IQSEC1: variants seen among roughly 807,000 people sequenced by gnomAD.
The protein encoded by IQSEC1 is IQ motif and SEC7 domain-containing protein 1.
Under a neutral mutation model 91.0 loss-of-function variants are expected in IQSEC1, and 31 were observed. The observed-to-expected ratio is 0.34, with a 90% CI of 0.26 to 0.46. The LOEUF (loss-of-function observed/expected upper bound fraction) is 0.46. Among genes scored for constraint, IQSEC1 ranks in the 20% least tolerant of loss-of-function variants. The pLI is 1.00. For missense variants in IQSEC1, 1,388 were observed against 1,575.6 expected (o/e 0.88, Z 2.02); for synonymous variants, 699 against 662.6 (o/e 1.05, Z -0.84).
intron 1 of IQSEC1, among the ~76,000 whole-genome samples, chr3:13,188,053 C>A (rs1050481498): frequency 1.3e-5 from 2 of 152,212 alleles, no homozygotes; most frequent in Admixed American, 6.5e-5. Flanking sequence ...CTGGGCCTCC[C>A]ATCTCCAGCC....
chr3:12,907,539 C>T (rs1366954421), intron 12 of IQSEC1, among the ~76,000 whole-genome samples: 1 of 152,216 alleles, frequency 6.6e-6, no homozygotes, highest in Non-Finnish European at 1.5e-5. Context: ...GATACCCTCC[C>T]GTACACTCCT....
intron 2 of IQSEC1, among the ~76,000 whole-genome samples, chr3:13,135,982 G>T (rs908525372): frequency 6.6e-6 from 1 of 152,216 alleles, no homozygotes; most frequent in Non-Finnish European, 1.5e-5. Flanking sequence ...GGACTCTGCT[G>T]CGTGGGACAG....
intron 1 of IQSEC1, among the ~76,000 whole-genome samples, chr3:12,958,892 G>A (rs1353248649): frequency 1.3e-5 from 2 of 152,224 alleles, no homozygotes; most frequent in Admixed American, 6.5e-5. Context: ...ACTGTGGGGT[G>A]GCACAGCACC....
chr3:13,114,212 C>G (rs1706298330), intron 2 of IQSEC1, among the ~76,000 whole-genome samples: 2 of 152,156 alleles, frequency 1.3e-5, no homozygotes, highest in South Asian at 4.1e-4. Context: ...CTGATTACAC[C>G]TGCAGGATGC....
At chr3:13,109,102 G>A (rs567745688) in intron 2 of IQSEC1, among the ~76,000 whole-genome samples, 27 of 152,302 alleles carry the variant, frequency 1.8e-4, no homozygotes, top group African/African-American at 5.1e-4. Context: ...CAGAGCGTGG[G>A]CAGAATGACT....
At chr3:13,158,935 C>A (rs1412486786) in intron 2 of IQSEC1, among the ~76,000 whole-genome samples, 1 of 151,758 alleles carries the variant, frequency 6.6e-6, no homozygotes, top group East Asian at 1.9e-4. Flanking sequence ...GCATTCCAGC[C>A]TGGGTGACAG....
At chr3:12,915,336 C>T (rs1695977215) in intron 7 of IQSEC1, among the ~76,000 whole-genome samples, 1 of 152,174 alleles carries the variant, frequency 6.6e-6, no homozygotes, top group African/African-American at 2.4e-5. Context: ...GTCGGGTGCC[C>T]AGAACTCAGC....
chr3:13,171,245 G>C (rs768918543), intron 1 of IQSEC1, among the ~76,000 whole-genome samples: 1 of 152,200 alleles, frequency 6.6e-6, no homozygotes, highest in Non-Finnish European at 1.5e-5. Context: ...CTGAGGCTTA[G>C]ACAGATGAGG....
At chr3:13,023,700 A>G (rs1703497325) in intron 1 of IQSEC1, among the ~76,000 whole-genome samples, 1 of 152,318 alleles carries the variant, frequency 6.6e-6, no homozygotes, top group South Asian at 2.1e-4. Context: ...AAGGATTAGC[A>G]GCTGCAGGCT....
At chr3:13,280,428 G>C (rs1296745014) in intron 1 of IQSEC1, among the ~76,000 whole-genome samples, 2 of 152,206 alleles carry the variant, frequency 1.3e-5, no homozygotes, top group African/African-American at 2.4e-5. Flanking sequence ...CCCCGGGGGG[G>C]CCCAGAACCC....
Position 13,066,807 on chromosome 3 carries a change from C to G in IQSEC1, c.23+6185G>C, listed in dbSNP as rs55986460. On this transcript the variant is annotated intron_variant, in intron 1 of 13. Coordinates refer to ENST00000613206, the MANE Select transcript of IQSEC1 (RefSeq NM_001134382.3). ...GGGCGGTAGCTCCATGCAGGCAGGG[C>G]GGGCCTGGTCCATTTACAGGCGTAG... 6.6e-5 allele frequency among the ~76,000 whole-genome samples: 10 copies of G among 152,312 alleles called. 1 individual carries two copies. The highest frequency in any genetic ancestry group is 2.4e-4 in the African/African-American group (10 of 41,554).
At chr3:13,126,431 G>A (rs983356926) in intron 2 of IQSEC1, among the ~76,000 whole-genome samples, 1 of 152,190 alleles carries the variant, frequency 6.6e-6, no homozygotes, top group African/African-American at 2.4e-5. Context: ...CCTTTGAGGG[G>A]TATCTGGTCA....
intron 1 of IQSEC1, among the ~76,000 whole-genome samples, chr3:13,209,814 T>C (rs1393323073): frequency 6.6e-6 from 1 of 152,164 alleles, no homozygotes; most frequent in African/African-American, 2.4e-5. Context: ...GCGTGCTCCC[T>C]TGGGAATTCT....
intron 2 of IQSEC1, among the ~76,000 whole-genome samples, chr3:13,107,446 T>C (rs1162924724): frequency 6.6e-6 from 1 of 152,228 alleles, no homozygotes; most frequent in Non-Finnish European, 1.5e-5. Context: ...ATCTTTCCAG[T>C]ACCAGTTCTG....
chr3:12,911,593 T>C lies in IQSEC1; in HGVS notation c.2416+36A>G, dbSNP rs371570568. 2.6e-5 allele frequency: 39 copies of C among 1,473,450 alleles called. No homozygotes were observed. The African/African-American group carries it at 3.5e-4, about 13-fold the overall frequency. 91.3% of individuals were successfully genotyped at this position (1,473,450 alleles called of 1,614,324 possible). A position where few individuals can be genotyped will look rare whatever the true frequency, so the allele number is the denominator to read the frequency against. ...AGGAGAAAGAGCGTAAGCTGGGACA[T>C]GCGCTCTTCCAGGCAGGCCCTGGGG... On this transcript the variant is annotated intron_variant, in intron 10 of 13. Coordinates refer to ENST00000613206, the MANE Select transcript of IQSEC1 (RefSeq NM_001134382.3).
intron 1 of IQSEC1, among the ~76,000 whole-genome samples, chr3:13,071,802 C>T (rs1705440492): frequency 7.0e-6 from 1 of 141,958 alleles, no homozygotes; most frequent in African/African-American, 2.7e-5. Context: ...GAACCAGAGG[C>T]CACTGCCATC....
chr3:13,161,427 C>A (rs114091609), intron 2 of IQSEC1, among the ~76,000 whole-genome samples: 346 of 152,288 alleles, frequency 2.3e-3, no homozygotes, highest in Non-Finnish European at 3.1e-3. Context: ...AGACCCCGCA[C>A]GGACACTGCT....
At chr3:13,234,375 A>ATG (rs200337825) in intron 1 of IQSEC1, among the ~76,000 whole-genome samples, 3 of 145,684 alleles carry the variant, frequency 2.1e-5, no homozygotes, top group East Asian at 4.1e-4. Flanking sequence ...CACCATGTCC[A>ATG]TGTGAGCCTG....
At chr3:13,091,710 C>T (rs972262086) in intron 2 of IQSEC1, among the ~76,000 whole-genome samples, 3 of 152,238 alleles carry the variant, frequency 2.0e-5, no homozygotes, top group African/African-American at 7.2e-5. Context: ...TTCCTATGAC[C>T]AGGCCCTTGT....
Sources: gnomAD v4.1 joint callset for allele counts (sites outside exome capture counted in the v4.1 genomes callset) on GRCh38, gnomAD v4.1.1 for gene constraint, MANE v1.5 for transcripts, NCBI Gene and HGNC (gene_info 2026-07-23, HGNC 2026-07-21) for gene names.